Variants in NRAS observed in about 807,000 individuals in gnomAD.
The protein encoded by NRAS is NRAS proto-oncogene, GTPase, also known as GTPase NRas.
NRAS carries 6 observed loss-of-function variants against 21.3 expected under a neutral mutation model. That is an observed-to-expected ratio of 0.28 (90% CI 0.15 to 0.56). The LOEUF is 0.56. Among genes scored for constraint, NRAS ranks in the 20% least tolerant of loss-of-function variants. The probability of loss-of-function intolerance (pLI) is 0.93; values close to 1 mark genes in which losing one functional copy is unlikely to be tolerated. For missense variants in NRAS, 143 were observed against 231.3 expected (o/e 0.62, Z 2.48); for synonymous variants, 84 against 82.0 (o/e 1.02, Z -0.13).
intron 3 of NRAS, among the ~76,000 whole-genome samples, chr1:114,712,115 T>C (rs981850566): frequency 6.6e-6 from 1 of 152,206 alleles, no homozygotes; most frequent in Non-Finnish European, 1.5e-5. Context: ...ACCATGTCAC[T>C]GTCAGGTTAC....
At chr1:114,710,238 TA>T (rs1659013660) in intron 3 of NRAS, among the ~76,000 whole-genome samples, 1 of 12,180 alleles carries the variant, frequency 8.2e-5, no homozygotes, top group African/African-American at 1.4e-3. Flanking sequence ...AAAATAAATA[TA>T]TATTATATAT....
rs1441406527 is a variant in NRAS, at chr1:114,706,768, G to A, written c.*1326C>T. The A allele has an allele frequency of 1.3e-5, 2 of 152,222 alleles. No homozygotes were observed. The highest frequency in any genetic ancestry group is 4.8e-5 in the African/African-American group (2 of 41,450). The allele number at this position is 152,222 out of a possible 1,614,324, so 9.4% of individuals were successfully genotyped here. A position where few individuals can be genotyped will look rare whatever the true frequency, so the allele number is the denominator to read the frequency against. ...ACTGGTGCAATGAGCAAATGCAGAAGAATTTCTTTCTCTGTGATGCTAACT... is the reference window on the plus strand; with the variant it reads ...ACTGGTGCAATGAGCAAATGCAGAAAAATTTCTTTCTCTGTGATGCTAACT... On this transcript the variant is annotated 3_prime_UTR_variant, in exon 7 of 7. Transcript: ENST00000369535.
rs980725860 is a variant in NRAS, at chr1:114,714,468, T to A, written c.112-490A>T. Reference sequence around the variant, plus strand: ...TTTGTTTCAGAGAAGGTTTTTTTTTTATCATGACAGATGTACCTTTGGGAA... The same window carrying A: ...TTTGTTTCAGAGAAGGTTTTTTTTTAATCATGACAGATGTACCTTTGGGAA... On this transcript the variant is annotated intron_variant, in intron 2 of 6. Transcript: ENST00000369535. 5.9e-5 allele frequency among the ~76,000 whole-genome samples: 9 copies of A among 152,250 alleles called. 1 individual carries two copies. The East Asian group carries it at 1.5e-3, about 26-fold the overall frequency.
chr1:114,714,917 A>G (rs762713777), intron 2 of NRAS, among the ~76,000 whole-genome samples: 4 of 152,262 alleles, frequency 2.6e-5, no homozygotes, highest in African/African-American at 4.8e-5. Flanking sequence ...GTTAGTTTTC[A>G]TCAATTAAAC....
intron 2 of NRAS, among the ~76,000 whole-genome samples, chr1:114,715,368 A>C (rs555900433): frequency 6.6e-6 from 1 of 152,324 alleles, no homozygotes; most frequent in East Asian, 1.9e-4. Context: ...TACTGAAGAC[A>C]ATCTGTACCA....
At position 114,709,613 on chromosome 1, in the gene NRAS, T is replaced by C. The variant is rs2101738716; in HGVS notation, c.406A>G (p.Ser136Gly). The C allele has an allele frequency of 6.2e-7, 1 of 1,614,112 alleles. No homozygotes were observed. The highest frequency in any genetic ancestry group is 1.1e-5 in the South Asian group (1 of 91,066). Residue 136 changes from serine (S) to glycine (G), a missense_variant, in exon 4 of 7, where the codon AGT becomes GGT. Physicochemically the swap from Ser to Gly is moderately conservative, Grantham distance 56. Transcript: ENST00000369535. Reference sequence around the variant, plus strand: ...GTTTCAATGAATGGAATCCCGTAACTCTTGGCCAGTTCGTGGGCTTGTTTT... The same window carrying C: ...GTTTCAATGAATGGAATCCCGTAACCCTTGGCCAGTTCGTGGGCTTGTTTT... ...DTKQAHELAK[S>G]YGIPFIETSA...
chr1:114,716,209 C>T (rs538668088), intron 1 of NRAS, 32 bp from the exon 2 acceptor site: 8 of 1,168,480 alleles, frequency 6.8e-6, no homozygotes, highest in Non-Finnish European at 1.0e-5. Context: ...GGTTAATTGG[C>T]GAGCCACATC....
At chr1:114,715,029 T>A (rs560110484) in intron 2 of NRAS, among the ~76,000 whole-genome samples, 19 of 152,298 alleles carry the variant, frequency 1.2e-4, no homozygotes, top group African/African-American at 4.3e-4. Context: ...TATTTATTTA[T>A]CTATTTATTT....
At chr1:114,713,525 T>C (rs1184851776) in intron 3 of NRAS, among the ~76,000 whole-genome samples, 4 of 152,186 alleles carry the variant, frequency 2.6e-5, no homozygotes, top group Admixed American at 2.6e-4. Flanking sequence ...TGAAATTCCT[T>C]CGTGATCTCT....
intron 3 of NRAS, among the ~76,000 whole-genome samples, chr1:114,711,368 C>T (rs534488607): frequency 5.9e-5 from 9 of 151,788 alleles, no homozygotes; most frequent in African/African-American, 1.7e-4. Flanking sequence ...GAGGCCGAGG[C>T]GGGTGGATCA....
chr1:114,708,682 G>A, intron 4 of NRAS, 28 bp from the exon 5 acceptor site: 1 of 1,610,960 alleles, frequency 6.2e-7, no homozygotes, highest in Non-Finnish European at 8.5e-7. Flanking sequence ...GAAAAAAAAT[G>A]AGAGAGCTAG....
In NRAS at chr1:114,712,003, C is replaced by T. The variant is rs533686940; in HGVS notation, c.290+1797G>A. ...GTTTTAGTCTCTACCCCTGGATTAC[C>T]CACAAAGTCATGTATCTGAACTACA... On this transcript the variant is annotated intron_variant, in intron 3 of 6. Coordinates refer to ENST00000369535, the MANE Select transcript of NRAS (RefSeq NM_002524.5). Among the ~76,000 whole-genome samples the T allele has an allele frequency of 3.6e-4, 55 of 152,246 alleles. 1 individual carries two copies. Among genetic ancestry groups the T allele is most frequent in the African/African-American group, 1.3e-3 (53 of 41,538 alleles).
At chr1:114,713,185 AT>A (rs1203419337) in intron 3 of NRAS, among the ~76,000 whole-genome samples, 3 of 151,190 alleles carry the variant, frequency 2.0e-5, no homozygotes, top group Non-Finnish European at 3.0e-5. Flanking sequence ...TTTATTTTTT[AT>A]TTTTTTTGGA....
At chr1:114,716,534 A>C (rs1659174856) in intron 1 of NRAS, 124 bp downstream of exon 1, 7 of 353,730 alleles carry the variant, frequency 2.0e-5, no homozygotes, top group South Asian at 9.5e-5. Flanking sequence ...TAGGCACCAA[A>C]TGGAAGGACC....
At chr1:114,708,394 G>C (rs1658963333) in intron 5 of NRAS, 137 bp downstream of exon 5, 1 of 793,848 alleles carries the variant, frequency 1.3e-6, no homozygotes, top group Non-Finnish European at 2.2e-6. Context: ...CTTTCAGAAA[G>C]GGTGTCATAT....
intron 4 of NRAS, among the ~76,000 whole-genome samples, chr1:114,708,904 G>A (rs1291110557): frequency 6.6e-6 from 1 of 152,152 alleles, no homozygotes; most frequent in Non-Finnish European, 1.5e-5. Flanking sequence ...AAAGGAAAAG[G>A]GTAATGTGAG....
In NRAS at chr1:114,707,963, G is replaced by C. The variant is rs1570869767; in HGVS notation, c.*131C>G. ...ATTGTACTAAACTACTGAGAGCTGG[G>C]GAAGTAGCAGGAGCTTCTCTGTGAG... On this transcript the variant is annotated 3_prime_UTR_variant, in exon 7 of 7. Transcript: ENST00000369535. 6.3e-6 allele frequency: 1 copy of C among 159,502 alleles called. No individual in the cohort carries two copies. The highest frequency in any genetic ancestry group is 1.4e-5 in the Non-Finnish European group (1 of 72,160). 9.9% of individuals were successfully genotyped at this position (159,502 alleles called of 1,614,324 possible).
Position 114,707,093 on chromosome 1 carries a change from T to C in NRAS, c.*1001A>G, listed in dbSNP as rs1206277346. On this transcript the variant is annotated 3_prime_UTR_variant, in exon 7 of 7. Transcript: ENST00000369535. Reference sequence around the variant, plus strand: ...CTTTCTGGTATGACACAAATTTGAATACAAATGGAAGTTCATTGAATATTA... The same window carrying C: ...CTTTCTGGTATGACACAAATTTGAACACAAATGGAAGTTCATTGAATATTA... The C allele has an allele frequency of 2.0e-5, 3 of 152,632 alleles. No individual in the cohort carries two copies. Among genetic ancestry groups the C allele is most frequent in the Non-Finnish European group, 2.9e-5 (2 of 68,026 alleles). The allele number at this position is 152,632 out of a possible 1,614,324, so 9.5% of individuals were successfully genotyped here.
rs897289656 is a variant in NRAS, at chr1:114,705,575, CT to C, written c.*2518del. The C allele has an allele frequency of 2.0e-5, 3 of 152,194 alleles. No homozygotes were observed. The highest frequency in any genetic ancestry group is 4.4e-5 in the Non-Finnish European group (3 of 68,042). The allele number at this position is 152,194 out of a possible 1,614,324, so 9.4% of individuals were successfully genotyped here. A position where few individuals can be genotyped will look rare whatever the true frequency, so the allele number is the denominator to read the frequency against. On this transcript the variant is annotated 3_prime_UTR_variant, in exon 7 of 7. Transcript: ENST00000369535. ...TTTATACCACACTGAAGTTATTCAG[CT>C]TTTAACTATAAGTTTGTCACTCCTT...
Sources: gnomAD v4.1 joint callset for allele counts (sites outside exome capture counted in the v4.1 genomes callset) on GRCh38, gnomAD v4.1.1 for gene constraint, MANE v1.5 for transcripts, NCBI Gene and HGNC (gene_info 2026-07-23, HGNC 2026-07-21) for gene names.